TAF1: variants seen among roughly 807,000 people sequenced by gnomAD.
TAF1 encodes TATA-box binding protein associated factor 1.
Under a neutral mutation model 138.5 loss-of-function variants are expected in TAF1, and 2 were observed. The observed-to-expected ratio is 0.01, with a 90% CI of 0.01 to 0.05. The LOEUF is 0.05. Ranked by LOEUF, TAF1 falls within the 10% of genes least tolerant of loss-of-function variation. The pLI is 1.00. For missense variants in TAF1, 709 were observed against 1,478.0 expected (o/e 0.48, Z 8.53); for synonymous variants, 437 against 503.2 (o/e 0.87, Z 1.76).
chrX:71,516,666 C>G (rs1009126724), intron 13 of TAF1, among the ~76,000 whole-genome samples: 1 of 103,547 alleles, frequency 9.7e-6, no homozygotes, highest in Non-Finnish European at 2.0e-5. Flanking sequence ...AAAAAAGTTA[C>G]GGTGGTAAAT....
chrX:71,435,168 C>A (rs1317651000), intron 32 of TAF1, among the ~76,000 whole-genome samples: 1 of 112,107 alleles, frequency 8.9e-6, no homozygotes, highest in Non-Finnish European at 1.9e-5. Context: ...GAACATGTGT[C>A]ATGAAACCTG....
At chrX:71,461,381 AG>A (rs1187697869) in intron 37 of TAF1, among the ~76,000 whole-genome samples, 3 of 111,473 alleles carry the variant, frequency 2.7e-5, no homozygotes, top group African/African-American at 9.8e-5. Context: ...TGCGGGTAAT[AG>A]GAGTCATCAG....
At chrX:71,398,449 C>T in intron 23 of TAF1, 123 bp from the exon 24 acceptor site, 4 of 919,930 alleles carry the variant, frequency 4.3e-6, no homozygotes, top group Non-Finnish European at 5.9e-6. Flanking sequence ...GCATGTAGCC[C>T]CTTTTATCTT....
At chrX:71,390,972 A>G (rs898832707) in intron 18 of TAF1, among the ~76,000 whole-genome samples, 1 of 109,547 alleles carries the variant, frequency 9.1e-6, no homozygotes, top group Non-Finnish European at 1.9e-5. Flanking sequence ...TCCAGCCTGG[A>G]CTAAAAGAAC....
rs1255310838 is a variant in TAF1 at position 71,393,221 on chromosome X, G to GA, written c.3052-79dup. On this transcript the variant is annotated intron_variant, in intron 20 of 37. Transcript: ENST00000423759. ...GGCTTGTCCTTTGAAATCCCTGAAT[G>GA]ATTTGTGTGTGTGTGTGTGTGTGTG... 4.3e-4 allele frequency: 446 copies of GA among 1,037,858 alleles called. 2 individuals are homozygous for GA. The African/African-American group carries it at 8.8e-3, about 20-fold the overall frequency. The allele number at this position is 1,037,858 out of a possible 1,213,427, so 85.5% of individuals were successfully genotyped here.
chrX:71,385,548 G>A (rs1347244771), intron 14 of TAF1, among the ~76,000 whole-genome samples: 1 of 110,427 alleles, frequency 9.1e-6, no homozygotes, highest in Non-Finnish European at 1.9e-5. Context: ...TTCAAGGGGG[G>A]AAGTATGATG....
chrX:71,441,844 T>A (rs1569351770), intron 32 of TAF1: 1 of 135,764 alleles, frequency 7.4e-6, no homozygotes, highest in Non-Finnish European at 1.3e-5. Context: ...CAGGCCCCAG[T>A]ATGTGATGTT....
intron 13 of TAF1, among the ~76,000 whole-genome samples, chrX:71,481,294 A>G (rs765005044): frequency 7.1e-5 from 8 of 112,194 alleles, no homozygotes; most frequent in Non-Finnish European, 1.5e-4. Context: ...ACACACACAT[A>G]CACACACAAA....
downstream of TAF1, among the ~76,000 whole-genome samples, chrX:71,468,644 C>T (rs537830834): frequency 3.7e-4 from 38 of 103,450 alleles, 1 homozygote; most frequent in South Asian, 0.017. Flanking sequence ...GAGATCACGC[C>T]ACTGCACTCC....
intron 13 of TAF1, among the ~76,000 whole-genome samples, chrX:71,471,100 G>A (rs751216325): frequency 7.8e-4 from 84 of 108,211 alleles, no homozygotes; most frequent in African/African-American, 2.6e-3. Context: ...GGAGAATCAC[G>A]ATGTCAAGAG....
Position 71,368,161 on chromosome X carries a change from T to C in TAF1, c.343T>C (p.Cys115Arg). The change falls in exon 3 of 38, where the codon TGC becomes CGC. Residue 115 changes from cysteine (C) to arginine (R), a missense_variant. Cys to Arg is a radical substitution (Grantham distance 180). This residue lies in a region of TAF1 where 123 missense variants were observed against 161.6 expected (regional missense o/e 0.76). Coordinates refer to ENST00000423759, the MANE Select transcript of TAF1 (RefSeq NM_004606.5). The stretch of plus-strand genomic sequence containing the variant: ...GACGATGGGGAGCTTGCAGCCCCTT[T>C]GCCACTCAGGTGATTCTTTGGTGTA... The part of the protein sequence containing the change: ...QQTMGSLQPL[C>R]HSDYDEDDYD... 8.3e-7 allele frequency: 1 copy of C among 1,210,883 alleles called. No homozygotes were observed. Among genetic ancestry groups the C allele is most frequent in the Non-Finnish European group, 1.1e-6 (1 of 894,642 alleles).
intron 28 of TAF1, chrX:71,420,429 T>C (rs2036268376): frequency 5.0e-6 from 6 of 1,209,248 alleles, no homozygotes; most frequent in Non-Finnish European, 6.7e-6. Context: ...GCCATGAAAG[T>C]GAGCTTCCAG....
At chrX:71,443,857 C>T (rs765397401) in intron 32 of TAF1, among the ~76,000 whole-genome samples, 20 of 111,357 alleles carry the variant, frequency 1.8e-4, no homozygotes, top group Non-Finnish European at 3.2e-4. Flanking sequence ...TATAGGCGTC[C>T]GCCCCAATGC....
intron 13 of TAF1, among the ~76,000 whole-genome samples, chrX:71,515,492 A>T (rs1202995596): frequency 4.5e-5 from 5 of 111,800 alleles, no homozygotes; most frequent in Non-Finnish European, 1.9e-5. Flanking sequence ...TCTCTCTACC[A>T]AATCCTTCAG....
Position 71,430,068 on chromosome X carries a change from A to C in TAF1, c.4753+5830A>C, listed in dbSNP as rs1257816576. On this transcript the variant is annotated intron_variant, in intron 32 of 37. Coordinates refer to ENST00000423759, the MANE Select transcript of TAF1 (RefSeq NM_004606.5). ...CATGGAGTATTCTAAATATCCAACAATAGGAAATTGTTTAAAAAATGGCAC... is the reference window on the plus strand; with the variant it reads ...CATGGAGTATTCTAAATATCCAACACTAGGAAATTGTTTAAAAAATGGCAC... 2.1e-4 allele frequency among the ~76,000 whole-genome samples: 23 copies of C among 111,758 alleles called. No individual in the cohort carries two copies. In the Admixed American group the frequency reaches 2.2e-3, roughly 11 times the overall value.
rs1336715340 is a variant in TAF1, at chrX:71,458,354, G to T, written c.5052G>T (p.Lys1684Asn). 1.7e-6 allele frequency: 2 copies of T among 1,211,116 alleles called. No individual in the cohort carries two copies. The highest frequency in any genetic ancestry group is 3.5e-5 in the South Asian group (2 of 56,714). The change falls in exon 35 of 38, where the codon AAG becomes AAT. Residue 1684 changes from lysine (K) to asparagine (N), a missense_variant. By Grantham distance (94) the Lys-to-Asn change is moderately conservative. This residue lies in a region of TAF1 where 123 missense variants were observed against 174.7 expected (regional missense o/e 0.70). Transcript: ENST00000423759. ...ATATTCCCAGTGCCACTCCAGAAAA[G>T]CAGGTAACACAGGTAGGATGTTCTT... ...VLDIPSATPE[K>N]QVTQEGEDGD...
intron 13 of TAF1, among the ~76,000 whole-genome samples, chrX:71,508,737 AGTGT>A (rs112821544): frequency 4.4e-3 from 442 of 100,749 alleles, no homozygotes; most frequent in African/African-American, 0.014. Flanking sequence ...AGACAGAGTG[AGTGT>A]GTGTGTGTGT....
At chrX:71,468,717 G>A (rs2038820839), downstream of TAF1, among the ~76,000 whole-genome samples, 1 of 108,445 alleles carries the variant, frequency 9.2e-6, no homozygotes, top group Admixed American at 1.0e-4. Flanking sequence ...AACAGCCTGG[G>A]TCTGCTGGCT....
intron 32 of TAF1, among the ~76,000 whole-genome samples, chrX:71,449,629 C>T (rs763531687): frequency 9.8e-5 from 11 of 112,185 alleles, no homozygotes; most frequent in Non-Finnish European, 1.3e-4. Flanking sequence ...GGCTGAATTC[C>T]TAATTTATAG....
Sources: gnomAD v4.1 joint callset for allele counts (sites outside exome capture counted in the v4.1 genomes callset) on GRCh38, gnomAD v4.1.1 for gene constraint, gnomAD v4.1.1 regional missense constraint, MANE v1.5 for transcripts, NCBI Gene and HGNC (gene_info 2026-07-23, HGNC 2026-07-21) for gene names.